DYRK1A: variants seen among roughly 807,000 people sequenced by gnomAD.
DYRK1A encodes the protein dual specificity tyrosine phosphorylation regulated kinase 1A, also known as dual specificity tyrosine-phosphorylation-regulated kinase 1A.
DYRK1A carries 9 observed loss-of-function variants against 79.7 expected under a neutral mutation model. That is an observed-to-expected ratio of 0.11 (90% CI 0.07 to 0.20). The LOEUF (loss-of-function observed/expected upper bound fraction) is 0.20. Ranked by LOEUF, DYRK1A falls within the 10% of genes least tolerant of loss-of-function variation. The pLI is 1.00. For missense variants in DYRK1A, 622 were observed against 956.0 expected (o/e 0.65, Z 4.61); for synonymous variants, 349 against 329.7 (o/e 1.06, Z -0.63).
At chr21:37,395,576 A>G (rs1170118428) in intron 1 of DYRK1A, among the ~76,000 whole-genome samples, 2 of 152,210 alleles carry the variant, frequency 1.3e-5, no homozygotes, top group Non-Finnish European at 1.5e-5. Context: ...AATTTAAATT[A>G]AATTTCTCTC....
chr21:37,384,104 T>C (rs2049713062), intron 1 of DYRK1A, among the ~76,000 whole-genome samples: 1 of 152,180 alleles, frequency 6.6e-6, no homozygotes, highest in African/African-American at 2.4e-5. Context: ...CACACCTCAG[T>C]GCAGGAAGGG....
intron 1 of DYRK1A, among the ~76,000 whole-genome samples, chr21:37,388,030 T>G (rs1192211008): frequency 6.6e-6 from 1 of 152,070 alleles, no homozygotes; most frequent in Non-Finnish European, 1.5e-5. Context: ...GTCTGTGTTT[T>G]TATCTCTCCC....
At chr21:37,424,806 T>C (rs1369093925) in intron 2 of DYRK1A, among the ~76,000 whole-genome samples, 2 of 152,182 alleles carry the variant, frequency 1.3e-5, no homozygotes, top group Non-Finnish European at 2.9e-5. Context: ...CTAGGAGTCA[T>C]AATGTTTGAA....
intron 4 of DYRK1A, among the ~76,000 whole-genome samples, chr21:37,478,941 G>T (rs1601222328): frequency 6.6e-6 from 1 of 152,098 alleles, no homozygotes; most frequent in Non-Finnish European, 1.5e-5. Context: ...AATTTTTCTG[G>T]TGTCTTGGAC....
rs1243413109 is a variant in DYRK1A, at chr21:37,515,062, G to T, written c.*2531G>T. On this transcript the variant is annotated 3_prime_UTR_variant, in exon 12 of 12. Coordinates refer to ENST00000647188, the MANE Select transcript of DYRK1A (RefSeq NM_001347721.2). ...AAGGTTAAATACCTGTGTTCAGATT[G>T]TAAGATCTAGTCCGGACTTGCTGTG... The T allele has an allele frequency of 1.3e-5, 2 of 152,594 alleles. No homozygotes were observed. Among genetic ancestry groups the T allele is most frequent in the Non-Finnish European group, 2.9e-5 (2 of 68,038 alleles). 9.5% of individuals were successfully genotyped at this position (152,594 alleles called of 1,614,324 possible). A position where few individuals can be genotyped will look rare whatever the true frequency, so the allele number is the denominator to read the frequency against.
chr21:37,373,406 C>T lies in DYRK1A; in HGVS notation c.-77+5778C>T, dbSNP rs556836383. Reference sequence around the variant, plus strand: ...GTTGGTAGCTAATATTTAAGAGTTACGATAAATTTAAGCTTTCTTATATGT... The same window carrying T: ...GTTGGTAGCTAATATTTAAGAGTTATGATAAATTTAAGCTTTCTTATATGT... On this transcript the variant is annotated intron_variant, in intron 1 of 11. Transcript: ENST00000647188. Among the ~76,000 whole-genome samples the T allele has an allele frequency of 9.1e-4, 139 of 152,198 alleles. No individual in the cohort carries two copies. The South Asian group carries it at 0.011, about 12-fold the overall frequency.
At position 37,517,749 on chromosome 21, in the gene DYRK1A, G is replaced by A. The variant is rs1287116368; in HGVS notation, c.*5218G>A. On this transcript the variant is annotated 3_prime_UTR_variant, in exon 12 of 12. Transcript: ENST00000647188. ...TGTTGAGTTGCTTAAAAGAGACCCT[G>A]GGAGGATGAATTTGGAATCATCATC... The A allele has an allele frequency of 6.6e-6, 1 of 152,100 alleles. No homozygotes were observed. 9.4% of individuals were successfully genotyped at this position (152,100 alleles called of 1,614,324 possible).
chr21:37,375,645 C>T (rs2049524338), intron 1 of DYRK1A, among the ~76,000 whole-genome samples: 1 of 150,746 alleles, frequency 6.6e-6, no homozygotes. Flanking sequence ...CCTGCCTCAG[C>T]CTCCCGAGTA....
chr21:37,456,771 T>C (rs1387167178), intron 2 of DYRK1A, among the ~76,000 whole-genome samples: 1 of 152,150 alleles, frequency 6.6e-6, no homozygotes, highest in Non-Finnish European at 1.5e-5. Flanking sequence ...GTGTGTACAA[T>C]GCAATACATG....
At chr21:37,461,540 G>A (rs1194794571) in intron 2 of DYRK1A, among the ~76,000 whole-genome samples, 1 of 152,124 alleles carries the variant, frequency 6.6e-6, no homozygotes, top group Admixed American at 6.5e-5. Context: ...CTGTGAACTT[G>A]TGTGAACATT....
In DYRK1A at chr21:37,479,616, T is replaced by TTG. The variant is rs1234088352; in HGVS notation, c.301-1021_301-1020insGT. ...TTTGTTTTTGTTTTTGTTTTTGTTT[T>TTG]TTGTTTTTTTTTTTTTTTTTGGAGA... On this transcript the variant is annotated intron_variant, in intron 4 of 11. Transcript: ENST00000647188. 2.1e-4 allele frequency among the ~76,000 whole-genome samples: 21 copies of TTG among 99,328 alleles called. 1 individual carries two copies. Among genetic ancestry groups the TTG allele is most frequent in the South Asian group, 3.7e-4 (1 of 2,726 alleles). 65.2% of individuals were successfully genotyped at this position (99,328 alleles called of 152,430 possible).
intron 1 of DYRK1A, among the ~76,000 whole-genome samples, chr21:37,398,343 TAA>T (rs755567725): frequency 2.1e-5 from 3 of 142,176 alleles, no homozygotes; most frequent in Admixed American, 7.1e-5. Context: ...TCCTGTCTCT[TAA>T]AAAAAAAAAA....
At position 37,404,071 on chromosome 21, in the gene DYRK1A, A is replaced by T. The variant is rs1424271296; in HGVS notation, c.-76-16228A>T. 1.1e-4 allele frequency among the ~76,000 whole-genome samples: 16 copies of T among 152,152 alleles called. No individual in the cohort carries two copies. The East Asian group carries it at 2.5e-3, about 24-fold the overall frequency. ...AGAGTGTGGTTCTTAGTCTTGAAGGAGGAAGGGAATGTTCAGGTGTGTATT... is the reference window on the plus strand; with the variant it reads ...AGAGTGTGGTTCTTAGTCTTGAAGGTGGAAGGGAATGTTCAGGTGTGTATT... On this transcript the variant is annotated intron_variant, in intron 1 of 11. Coordinates refer to ENST00000647188, the MANE Select transcript of DYRK1A (RefSeq NM_001347721.2).
intron 2 of DYRK1A, among the ~76,000 whole-genome samples, chr21:37,427,422 C>T (rs1431839086): frequency 6.6e-6 from 1 of 152,214 alleles, no homozygotes; most frequent in Admixed American, 6.5e-5. Flanking sequence ...CCGTCTTGGC[C>T]TTTAGTCACT....
At chr21:37,452,498 C>T (rs2051486731) in intron 2 of DYRK1A, among the ~76,000 whole-genome samples, 1 of 152,184 alleles carries the variant, frequency 6.6e-6, no homozygotes, top group Non-Finnish European at 1.5e-5. Flanking sequence ...TGTGCAGACA[C>T]AGTTAAATAT....
chr21:37,369,772 C>T (rs1027117602), intron 1 of DYRK1A, among the ~76,000 whole-genome samples: 1 of 152,176 alleles, frequency 6.6e-6, no homozygotes, highest in Admixed American at 6.5e-5. Flanking sequence ...GGGAAATGGA[C>T]TAAATGACCT....
chr21:37,432,549 G>C (rs537865654), intron 2 of DYRK1A, among the ~76,000 whole-genome samples: 172 of 152,158 alleles, frequency 1.1e-3, no homozygotes, highest in Middle Eastern at 3.4e-3. Context: ...AAATAAGATG[G>C]CTTCAAATTG....
At chr21:37,449,024 G>C (rs2051360469) in intron 2 of DYRK1A, among the ~76,000 whole-genome samples, 1 of 152,114 alleles carries the variant, frequency 6.6e-6, no homozygotes. Flanking sequence ...TTGATTTGAA[G>C]AGTCATATCA....
intron 1 of DYRK1A, among the ~76,000 whole-genome samples, chr21:37,389,185 TTC>T (rs918454840): frequency 1.3e-5 from 2 of 151,564 alleles, no homozygotes; most frequent in African/African-American, 2.4e-5. Flanking sequence ...GGCCTTACTT[TTC>T]TCTCTCTCTC....
Sources: allele counts gnomAD v4.1 joint callset (sites outside exome capture counted in the v4.1 genomes callset), GRCh38; gene constraint gnomAD v4.1.1; transcripts MANE v1.5; gene names NCBI Gene and HGNC (gene_info 2026-07-23, HGNC 2026-07-21).